The following PTPRD variants were observed in gnomAD, a reference collection of about 807,000 sequenced individuals.
The protein encoded by PTPRD is receptor-type tyrosine-protein phosphatase delta.
A neutral mutation model predicts 214.5 loss-of-function variants in PTPRD; 34 were observed. That is an observed-to-expected ratio of 0.16 (90% confidence interval 0.12 to 0.21). The LOEUF is 0.21. PTPRD is among the 10% of genes least tolerant of loss of function. PTPRD has a pLI of 1.00. For synonymous variants in PTPRD, 1,128 were observed against 845.7 expected, an observed-to-expected ratio of 1.33 and a Z score of -5.79; for missense variants, 2,545 against 2,398.7, an observed-to-expected ratio of 1.06 and a Z score of -1.27.
chr9:10,125,659 T>TGTGTGTGTGTGTGTGTG (rs1554687349), intron 3 of PTPRD, among the ~76,000 whole-genome samples: 1 of 150,610 alleles, frequency 6.6e-6, no homozygotes, highest in Admixed American at 6.7e-5. Flanking sequence ...TGTGTGTGTA[T>TGTGTGTGTGTGTGTGTG]TTTTAGTAGA....
chr9:8,855,461 T>C (rs2097898779), intron 11 of PTPRD, among the ~76,000 whole-genome samples: 1 of 152,176 alleles, frequency 6.6e-6, no homozygotes, highest in African/African-American at 2.4e-5. Flanking sequence ...CTGTGTTACA[T>C]AACCTACACA....
chr9:10,135,682 A>T (rs185509191), intron 3 of PTPRD, among the ~76,000 whole-genome samples: 52 of 152,212 alleles, frequency 3.4e-4, no homozygotes, highest in Middle Eastern at 3.4e-3. Context: ...CAAACAACAC[A>T]TAAATTTGTT....
chr9:10,343,380 A>C, intron 2 of PTPRD, among the ~76,000 whole-genome samples: 1 of 152,088 alleles, frequency 6.6e-6, no homozygotes, highest in East Asian at 1.9e-4. Flanking sequence ...TCTGTCATTG[A>C]TGGACATTCT....
At chr9:8,439,935 A>AATTTTTTT (rs2095487863) in intron 34 of PTPRD, among the ~76,000 whole-genome samples, 1 of 73,314 alleles carries the variant, frequency 1.4e-5, no homozygotes, top group African/African-American at 5.4e-5. Flanking sequence ...ATGTGCTTTA[A>AATTTTTTT]TTTTTTTTTT....
chr9:10,097,088 T>C (rs2098497612), intron 3 of PTPRD, among the ~76,000 whole-genome samples: 1 of 150,848 alleles, frequency 6.6e-6, no homozygotes, highest in African/African-American at 2.4e-5. Flanking sequence ...TTCTGTTCCA[T>C]TGATCTATAT....
chr9:8,733,098 T>C (rs1173033261), intron 12 of PTPRD, among the ~76,000 whole-genome samples: 3 of 152,204 alleles, frequency 2.0e-5, no homozygotes, highest in African/African-American at 7.2e-5. Context: ...GACCTAATGA[T>C]TTCCTAATTA....
intron 8 of PTPRD, among the ~76,000 whole-genome samples, chr9:9,553,244 T>C (rs1443995446): frequency 6.6e-6 from 1 of 152,036 alleles, no homozygotes; most frequent in Non-Finnish European, 1.5e-5. Flanking sequence ...TTCTGAGAAA[T>C]TGTTATACGG....
chr9:8,467,095 C>A (rs529261549), intron 31 of PTPRD, among the ~76,000 whole-genome samples: 1 of 151,566 alleles, frequency 6.6e-6, no homozygotes, highest in South Asian at 2.1e-4. Flanking sequence ...AAATTTTGGC[C>A]GACATTATTT....
At chr9:10,593,725 G>T (rs1375759469) in intron 2 of PTPRD, among the ~76,000 whole-genome samples, 1 of 151,806 alleles carries the variant, frequency 6.6e-6, no homozygotes, top group Admixed American at 6.6e-5. Context: ...TTGATCCAGA[G>T]AAATGTTAAT....
intron 9 of PTPRD, among the ~76,000 whole-genome samples, chr9:9,369,869 TC>T (rs1229778245): frequency 1.3e-5 from 2 of 152,180 alleles, no homozygotes; most frequent in Non-Finnish European, 2.9e-5. Flanking sequence ...AAATAGGGAA[TC>T]CTTTCCCCAT....
intron 5 of PTPRD, among the ~76,000 whole-genome samples, chr9:9,926,474 G>C (rs1160517256): frequency 6.6e-6 from 1 of 152,038 alleles, no homozygotes; most frequent in Admixed American, 6.6e-5. Context: ...ATCTTGGAAC[G>C]ATGTATTTTT....
intron 6 of PTPRD, among the ~76,000 whole-genome samples, chr9:9,748,819 A>G (rs1442180976): frequency 6.6e-6 from 1 of 152,236 alleles, no homozygotes; most frequent in African/African-American, 2.4e-5. Context: ...CTGGAAATGT[A>G]ATAATGGAAG....
intron 6 of PTPRD, among the ~76,000 whole-genome samples, chr9:9,758,121 C>T (rs1472431435): frequency 1.4e-5 from 2 of 140,302 alleles, no homozygotes; most frequent in Admixed American, 7.5e-5. Context: ...TTGAACTGCT[C>T]AGTTCACATC....
chr9:10,174,218 G>A (rs1477783217), intron 3 of PTPRD, among the ~76,000 whole-genome samples: 1 of 152,130 alleles, frequency 6.6e-6, no homozygotes. Context: ...TGTTGGAGGT[G>A]GAATCTTATG....
chr9:9,030,076 C>A (rs952040093), intron 10 of PTPRD, among the ~76,000 whole-genome samples: 1 of 151,692 alleles, frequency 6.6e-6, no homozygotes. Flanking sequence ...AGTGTGGGAT[C>A]ATGGAGCCTA....
At chr9:8,736,375 T>G (rs1486651437) in intron 11 of PTPRD, among the ~76,000 whole-genome samples, 3 of 152,204 alleles carry the variant, frequency 2.0e-5, no homozygotes, top group Non-Finnish European at 4.4e-5. Context: ...AGAAAATATC[T>G]GAAAATGACT....
chr9:9,231,237 TC>T (rs1338577357), intron 9 of PTPRD, among the ~76,000 whole-genome samples: 1 of 152,144 alleles, frequency 6.6e-6, no homozygotes, highest in Non-Finnish European at 1.5e-5. Flanking sequence ...GACACAGAAT[TC>T]CATCCTTTGT....
At chr9:9,533,534 T>G (rs2154266103) in intron 8 of PTPRD, among the ~76,000 whole-genome samples, 1 of 152,236 alleles carries the variant, frequency 6.6e-6, no homozygotes, top group East Asian at 1.9e-4. Context: ...TCTGTAATTT[T>G]TCTATTTTTC....
At chr9:8,792,891 C>T (rs756503320) in intron 11 of PTPRD, among the ~76,000 whole-genome samples, 5 of 152,078 alleles carry the variant, frequency 3.3e-5, no homozygotes, top group Admixed American at 3.3e-4. Context: ...CCTTAATCAA[C>T]CCCCACAGTT....
Sources: allele counts gnomAD v4.1 joint callset (sites outside exome capture counted in the v4.1 genomes callset), GRCh38; gene constraint gnomAD v4.1.1; transcripts MANE v1.5; gene names NCBI Gene and HGNC (gene_info 2026-07-23, HGNC 2026-07-21).